SPATA6: variants seen among roughly 807,000 people sequenced by gnomAD.
The protein encoded by SPATA6 is spermatogenesis associated 6, also known as spermatogenesis-associated protein 6.
A neutral mutation model predicts 65.3 loss-of-function variants in SPATA6; 56 were observed. That is an observed-to-expected ratio of 0.86 (90% CI 0.69 to 1.07). SPATA6 has a LOEUF of 1.07. SPATA6 is among the 50% of genes least tolerant of loss of function. SPATA6 has a pLI of 0.00. For synonymous variants in SPATA6, 199 were observed against 213.2 expected (o/e 0.93, Z 0.58); for missense variants, 590 against 594.8 (o/e 0.99, Z 0.08).
the SPATA6 span, among the ~76,000 whole-genome samples, chr1:48,272,085 A>T: frequency 6.6e-6 from 1 of 152,152 alleles, no homozygotes; most frequent in Admixed American, 6.6e-5. Context: ...AATTTATGTA[A>T]TTAAGGCATA....
intron 1 of SPATA6, among the ~76,000 whole-genome samples, 187 bp from the exon 2 acceptor site, chr1:48,453,318 A>T (rs1462079166): frequency 1.3e-5 from 2 of 152,208 alleles, no homozygotes; most frequent in Admixed American, 6.5e-5. Context: ...TATAACTTCC[A>T]TCCCTCTGAG....
At chr1:48,458,753 G>C (rs187340005) in intron 1 of SPATA6, among the ~76,000 whole-genome samples, 5 of 152,124 alleles carry the variant, frequency 3.3e-5, no homozygotes, top group Non-Finnish European at 7.3e-5. Flanking sequence ...CTACAGATAC[G>C]GGAATTAGAT....
At chr1:48,352,495 G>A (rs1646539255) in intron 11 of SPATA6, among the ~76,000 whole-genome samples, 1 of 151,942 alleles carries the variant, frequency 6.6e-6, no homozygotes, top group Non-Finnish European at 1.5e-5. Context: ...CAGAATATAG[G>A]ATTAGCAAAG....
At chr1:48,313,606 A>G (rs1645297959) in intron 11 of SPATA6, among the ~76,000 whole-genome samples, 1 of 152,210 alleles carries the variant, frequency 6.6e-6, no homozygotes, top group South Asian at 2.1e-4. Flanking sequence ...AATTGTAACG[A>G]CCATCGAGGC....
At chr1:48,348,307 T>A (rs749118750) in intron 11 of SPATA6, among the ~76,000 whole-genome samples, 3 of 152,102 alleles carry the variant, frequency 2.0e-5, no homozygotes, top group Admixed American at 2.0e-4. Flanking sequence ...AATTCTGGAA[T>A]GGAGATTTGT....
At chr1:48,364,197 A>C (rs1557616131) in intron 9 of SPATA6, among the ~76,000 whole-genome samples, 3 of 152,066 alleles carry the variant, frequency 2.0e-5, no homozygotes, top group Non-Finnish European at 4.4e-5. Context: ...AATCCAATCT[A>C]TTGTTGTTGG....
At chr1:48,339,752 A>G (rs772189431) in intron 11 of SPATA6, among the ~76,000 whole-genome samples, 27 of 152,104 alleles carry the variant, frequency 1.8e-4, no homozygotes, top group Non-Finnish European at 3.5e-4. Context: ...AAAATTGGAA[A>G]GAGCGCAAGA....
chr1:48,463,689 C>T (rs1037751877), intron 1 of SPATA6, among the ~76,000 whole-genome samples: 1 of 152,134 alleles, frequency 6.6e-6, no homozygotes, highest in African/African-American at 2.4e-5. Context: ...CAGGATGCTT[C>T]ACCTGGATGG....
At chr1:48,442,000 G>C (rs1233867295) in intron 3 of SPATA6, among the ~76,000 whole-genome samples, 1 of 152,188 alleles carries the variant, frequency 6.6e-6, no homozygotes, top group Non-Finnish European at 1.5e-5. Context: ...CCAGAGGATG[G>C]GGAACCAATC....
chr1:48,419,487 C>T (rs1255390939), intron 3 of SPATA6, among the ~76,000 whole-genome samples: 1 of 151,984 alleles, frequency 6.6e-6, no homozygotes, highest in Admixed American at 6.6e-5. Flanking sequence ...AAAGCAGCAA[C>T]GAGAAAGACA....
chr1:48,393,012 T>C (rs139655965), intron 8 of SPATA6, among the ~76,000 whole-genome samples: 10 of 152,068 alleles, frequency 6.6e-5, no homozygotes, highest in Middle Eastern at 3.4e-3. Flanking sequence ...CAAAGAAGAA[T>C]AGAATTTTTA....
intron 8 of SPATA6, among the ~76,000 whole-genome samples, chr1:48,389,540 A>C (rs769843581): frequency 7.2e-5 from 11 of 152,268 alleles, no homozygotes; most frequent in Non-Finnish European, 2.9e-5. Context: ...AAAAGTGACT[A>C]ATCACCTATA....
At chr1:48,350,302 CTT>C (rs545116914) in intron 11 of SPATA6, among the ~76,000 whole-genome samples, 1 of 140,560 alleles carries the variant, frequency 7.1e-6, no homozygotes, top group Admixed American at 7.1e-5. Context: ...GCTTTTCTTT[CTT>C]TTTTTTTTTT....
chr1:48,350,280 T>G (rs1646480437), intron 11 of SPATA6, among the ~76,000 whole-genome samples: 1 of 151,450 alleles, frequency 6.6e-6, no homozygotes, highest in Non-Finnish European at 1.5e-5. Flanking sequence ...TAAGTTTGGA[T>G]AGTTGTTTTG....
the SPATA6 span, among the ~76,000 whole-genome samples, chr1:48,268,142 G>A: frequency 1.3e-5 from 2 of 152,168 alleles, no homozygotes; most frequent in South Asian, 4.2e-4. Flanking sequence ...AAACAGGAGT[G>A]CCTGTCCTCA....
chr1:48,320,701 A>T (rs1645575354), intron 11 of SPATA6, among the ~76,000 whole-genome samples: 1 of 152,244 alleles, frequency 6.6e-6, no homozygotes. Flanking sequence ...AATAGTAAGC[A>T]CACAGAAAAA....
intron 3 of SPATA6, among the ~76,000 whole-genome samples, chr1:48,424,778 TG>T (rs1431124596): frequency 6.6e-6 from 1 of 152,242 alleles, no homozygotes; most frequent in African/African-American, 2.4e-5. Flanking sequence ...GTCTGCCATT[TG>T]TAAGTCTTCT....
intron 9 of SPATA6, among the ~76,000 whole-genome samples, chr1:48,363,517 A>T (rs1049381823): frequency 6.6e-6 from 1 of 152,190 alleles, no homozygotes; most frequent in Non-Finnish European, 1.5e-5. Context: ...AAATGAAAGG[A>T]AAGTGAAAAC....
chr1:48,454,160 C>T (rs1380180419), intron 1 of SPATA6, among the ~76,000 whole-genome samples: 1 of 151,878 alleles, frequency 6.6e-6, no homozygotes, highest in Non-Finnish European at 1.5e-5. Context: ...TAACACATAG[C>T]ACAGTCTCTC....
Sources: gnomAD v4.1 joint callset for allele counts (sites outside exome capture counted in the v4.1 genomes callset) on GRCh38, gnomAD v4.1.1 for gene constraint, MANE v1.5 for transcripts, NCBI Gene and HGNC (gene_info 2026-07-23, HGNC 2026-07-21) for gene names.